The following GPR143 variants were observed in gnomAD, a reference collection of about 807,000 sequenced individuals.
GPR143 encodes the protein G-protein coupled receptor 143.
GPR143 carries 8 observed loss-of-function variants against 27.6 expected under a neutral mutation model. That is an observed-to-expected ratio of 0.29 (90% CI 0.17 to 0.52). GPR143 has a LOEUF of 0.52. Among genes scored for constraint, GPR143 ranks in the 20% least tolerant of loss-of-function variants. The probability of loss-of-function intolerance (pLI) is 0.96; values close to 1 mark genes in which losing one functional copy is unlikely to be tolerated. For synonymous variants in GPR143, 156 were observed against 153.2 expected, an observed-to-expected ratio of 1.02 and a Z score of -0.13; for missense variants, 303 against 343.1, an observed-to-expected ratio of 0.88 and a Z score of 0.92.
chrX:9,759,229 C>T (rs1027599605), intron 3 of GPR143, 103 bp downstream of exon 3: 6 of 545,170 alleles, frequency 1.1e-5, no homozygotes, highest in Non-Finnish European at 1.9e-5. Flanking sequence ...TTCTGAATGA[C>T]GGTGTCTGCA....
chrX:9,751,994 A>G (rs993867930), intron 3 of GPR143, among the ~76,000 whole-genome samples: 3 of 112,861 alleles, frequency 2.7e-5, no homozygotes, highest in African/African-American at 9.7e-5. Context: ...CCCAGAGGCC[A>G]TAGCTGGATG....
At chrX:9,770,323 A>AAGAGAGAGAG (rs201287124), upstream of GPR143, among the ~76,000 whole-genome samples, 613 of 88,988 alleles carry the variant, frequency 6.9e-3, 10 homozygotes, top group African/African-American at 0.013. Flanking sequence ...AAGAAAGAAA[A>AAGAGAGAGAG]AGAGAGAGAG....
chrX:9,766,629 G>A (rs1422977785), upstream of GPR143, among the ~76,000 whole-genome samples: 1 of 112,056 alleles, frequency 8.9e-6, no homozygotes, highest in East Asian at 2.8e-4. Flanking sequence ...GGCAGGCTGA[G>A]GTGGGAGGAT....
intron 3 of GPR143, among the ~76,000 whole-genome samples, chrX:9,750,269 A>C (rs1254837635): frequency 3.6e-5 from 4 of 110,279 alleles, no homozygotes; most frequent in Admixed American, 1.9e-4. Flanking sequence ...GAGTCCAGTG[A>C]TGCAATCATA....
chrX:9,743,082 G>A (rs2083411714), intron 6 of GPR143, among the ~76,000 whole-genome samples: 1 of 109,857 alleles, frequency 9.1e-6, no homozygotes, highest in African/African-American at 3.3e-5. Flanking sequence ...ACTCCAGCCT[G>A]GGTGACAGAG....
chrX:9,748,744 G>A (rs764912470), intron 3 of GPR143, 78 bp from the exon 4 acceptor site: 8 of 658,790 alleles, frequency 1.2e-5, no homozygotes, highest in East Asian at 6.6e-5. Flanking sequence ...CAGCTCCTGC[G>A]CTCTGGAAAG....
intron 3 of GPR143, among the ~76,000 whole-genome samples, chrX:9,749,153 GT>G (rs992830581): frequency 4.5e-5 from 5 of 111,503 alleles, no homozygotes; most frequent in Admixed American, 9.5e-5. Context: ...CATGGGGGCG[GT>G]TTCCCCCATG....
intron 1 of GPR143, among the ~76,000 whole-genome samples, chrX:9,762,457 G>A (rs2083507110): frequency 9.0e-6 from 1 of 111,522 alleles, no homozygotes; most frequent in Non-Finnish European, 1.9e-5. Context: ...TACATACTAT[G>A]TAGTAGTGCT....
At chrX:9,742,746 C>T (rs760141576) in intron 6 of GPR143, among the ~76,000 whole-genome samples, 32 of 111,970 alleles carry the variant, frequency 2.9e-4, no homozygotes, top group South Asian at 2.6e-3. Flanking sequence ...TGACCAAAGA[C>T]GTGCCCTTGC....
intron 1 of GPR143, among the ~76,000 whole-genome samples, chrX:9,764,505 C>CAT (rs2083518289): frequency 2.2e-4 from 1 of 4,520 alleles, no homozygotes; most frequent in African/African-American, 1.7e-3. Context: ...TACACACGCG[C>CAT]ACACACACAC....
At chrX:9,734,080 CAA>C (rs34722888) in intron 8 of GPR143, among the ~76,000 whole-genome samples, 7 of 57,866 alleles carry the variant, frequency 1.2e-4, no homozygotes, top group Non-Finnish European at 3.5e-5. Flanking sequence ...AACTCTGTCT[CAA>C]AAAAAAAAAA....
chrX:9,745,341 A>C (rs73194147), intron 5 of GPR143, among the ~76,000 whole-genome samples: 6,289 of 112,525 alleles, frequency 0.056, 152 homozygotes, highest in Middle Eastern at 0.078. Flanking sequence ...TACTCTCAAC[A>C]ATGTTTTTAA....
intron 8 of GPR143, among the ~76,000 whole-genome samples, chrX:9,733,827 A>C (rs781051540): frequency 8.1e-5 from 9 of 111,461 alleles, no homozygotes; most frequent in Non-Finnish European, 1.7e-4. Flanking sequence ...CACGCCTGTA[A>C]TCCCAACACT....
chrX:9,736,496 C>T (rs958454609), intron 8 of GPR143, among the ~76,000 whole-genome samples: 8 of 111,080 alleles, frequency 7.2e-5, no homozygotes, highest in African/African-American at 2.0e-4. Flanking sequence ...CACTATGTTG[C>T]CCAGTCTGGA....
At chrX:9,752,645 A>G (rs1475214824) in intron 3 of GPR143, among the ~76,000 whole-genome samples, 1 of 111,273 alleles carries the variant, frequency 9.0e-6, no homozygotes, top group African/African-American at 3.3e-5. Flanking sequence ...GTAACCCACC[A>G]TTGCTGGCTT....
At chrX:9,761,624 CTT>C (rs2083501519) in intron 1 of GPR143, among the ~76,000 whole-genome samples, 1 of 23,928 alleles carries the variant, frequency 4.2e-5, no homozygotes. Flanking sequence ...TTCCTTCATT[CTT>C]TTTTAAACAC....
rs73484549 is a variant in GPR143, at chrX:9,730,050, C to T, written c.1121-4210G>A. 6.6e-3 allele frequency among the ~76,000 whole-genome samples: 748 copies of T among 112,626 alleles called. 10 individuals are homozygous for T. Among genetic ancestry groups the T allele is most frequent in the African/African-American group, 0.023 (705 of 31,015 alleles). Reference sequence around the variant, plus strand: ...GTATTCAGTGCAGTAACATGCTTTACAGGTCTGTAGCTTAGGAGCAAGAGG... The same window carrying T: ...GTATTCAGTGCAGTAACATGCTTTATAGGTCTGTAGCTTAGGAGCAAGAGG... On this transcript the variant is annotated intron_variant, in intron 8 of 8. Coordinates refer to ENST00000467482, the MANE Select transcript of GPR143 (RefSeq NM_000273.3).
chrX:9,739,141 C>A (rs947497818), intron 8 of GPR143, among the ~76,000 whole-genome samples: 1 of 112,432 alleles, frequency 8.9e-6, no homozygotes, highest in African/African-American at 3.2e-5. Context: ...CACCCCATCA[C>A]GGGATTGTGT....
chrX:9,761,058 GAA>G, intron 1 of GPR143, among the ~76,000 whole-genome samples: 1 of 110,885 alleles, frequency 9.0e-6, no homozygotes, highest in Non-Finnish European at 1.9e-5. Flanking sequence ...AAAGAAGATT[GAA>G]ACTCATAAAA....
Sources: allele counts gnomAD v4.1 joint callset (sites outside exome capture counted in the v4.1 genomes callset), GRCh38; gene constraint gnomAD v4.1.1; transcripts MANE v1.5; gene names NCBI Gene and HGNC (gene_info 2026-07-23, HGNC 2026-07-21).